The following FHIP2A variants were observed in gnomAD, a reference collection of about 807,000 sequenced individuals.
The protein encoded by FHIP2A is FHF complex subunit HOOK interacting protein 2A, also known as family with sequence similarity 160 member B1.
Under a neutral mutation model 93.5 loss-of-function variants are expected in FHIP2A, and 46 were observed. The ratio of observed to expected loss-of-function variants is 0.49; its 90% CI spans 0.39 to 0.63. The LOEUF is 0.63. Ranked by LOEUF, FHIP2A falls within the 20% of genes least tolerant of loss-of-function variation. The probability of loss-of-function intolerance (pLI) is 0.00; values close to 1 mark genes in which losing one functional copy is unlikely to be tolerated. For missense variants in FHIP2A, 769 were observed against 909.7 expected (o/e 0.85, Z 1.99); for synonymous variants, 332 against 326.5 (o/e 1.02, Z -0.18).
At chr10:114,850,906 GT>G (rs2083731277) in intron 13 of FHIP2A, among the ~76,000 whole-genome samples, 1 of 151,908 alleles carries the variant, frequency 6.6e-6, no homozygotes, top group Non-Finnish European at 1.5e-5. Flanking sequence ...TTGTTTTTTT[GT>G]TTGTTTGTTT....
rs933879443 is a variant in FHIP2A, at chr10:114,882,900, A to G, written c.2193-16590A>G. 1.1e-3 allele frequency among the ~76,000 whole-genome samples: 165 copies of G among 151,806 alleles called. 1 individual carries two copies. Among genetic ancestry groups the G allele is most frequent in the Non-Finnish European group, 2.2e-4 (15 of 67,980 alleles). On this transcript the variant is annotated intron_variant, in intron 16 of 16. Transcript: ENST00000369250. ...AAAAAAAAAAAAAAAGAAAGAAAAG[A>G]AAACACCTCATGAGCAGCAGTTCCT...
chr10:114,830,595 TC>T (rs541805021), intron 1 of FHIP2A, among the ~76,000 whole-genome samples: 4 of 152,188 alleles, frequency 2.6e-5, no homozygotes, highest in Admixed American at 2.6e-4. Flanking sequence ...TAAAAAAGTG[TC>T]AGGGGAGGAA....
intron 16 of FHIP2A, among the ~76,000 whole-genome samples, chr10:114,883,846 C>T (rs1373194319): frequency 3.9e-5 from 6 of 152,008 alleles, no homozygotes; most frequent in South Asian, 2.1e-4. Context: ...TCCCAAAGTG[C>T]GGAGATTACG....
chr10:114,857,435 G>C (rs1475013243), intron 14 of FHIP2A, among the ~76,000 whole-genome samples: 1 of 150,948 alleles, frequency 6.6e-6, no homozygotes, highest in Non-Finnish European at 1.5e-5. Flanking sequence ...TCAGCGTCCT[G>C]AGTAGCTGGG....
Position 114,845,392 on chromosome 10 carries a change from G to T in FHIP2A, c.1039G>T (p.Asp347Tyr), listed in dbSNP as rs926511216. The change falls in exon 8 of 17, where the codon GAT becomes TAT. Residue 347 changes from aspartate (D) to tyrosine (Y), a missense_variant. Asp to Tyr is a radical substitution (Grantham distance 160). Coordinates refer to ENST00000369248, the MANE Select transcript of FHIP2A (RefSeq NM_020940.4). ...WGLDSYSHKE[D>Y]ASAFPGKRAL... is the part of the protein sequence containing the mutation. ...CTTGGACTCATATAGTCATAAAGAA[G>T]ATGCTTCAGCATTTCCAGGAAAACG... The T allele has an allele frequency of 6.2e-7, 1 of 1,612,040 alleles. No individual in the cohort carries two copies. The highest frequency in any genetic ancestry group is 8.5e-7 in the Non-Finnish European group (1 of 1,178,402).
rs1388358986 is a variant in FHIP2A, at chr10:114,843,002, G to C, written c.592G>C (p.Asp198His). The C allele has an allele frequency of 6.2e-7, 1 of 1,613,328 alleles. No individual in the cohort carries two copies. The highest frequency in any genetic ancestry group is 8.5e-7 in the Non-Finnish European group (1 of 1,179,448). ...VISEDTLKGQ[D>H]SLSTDTGQSR... is the part of the protein sequence containing the mutation. ...TTCAGAAGATACATTAAAAGGTCAG[G>C]ATTCCTTGTCAACAGATACAGGACA... Residue 198 changes from aspartate to histidine, a missense_variant, in exon 6 of 17, where the codon GAT becomes CAT. By Grantham distance (81) the Asp-to-His change is moderately conservative. Transcript: ENST00000369248.
Position 114,843,177 on chromosome 10 carries a change from A to C in FHIP2A, c.767A>C (p.Asn256Thr). ...CCAGAGGCCTCGGTTGTTTGTCCAA[A>C]TCAGGATTACAATTTAGTGAATTCT... ...SLPEASVVCPNQDYNLVNSLL... is the reference protein window; with the variant it reads ...SLPEASVVCPTQDYNLVNSLL... The change falls in exon 6 of 17, where the codon AAT (asparagine) becomes ACT (threonine). Residue 256 changes from asparagine to threonine, a missense_variant. By Grantham distance (65) the Asn-to-Thr change is moderately conservative. Transcript: ENST00000369248. 6.2e-7 allele frequency: 1 copy of C among 1,614,062 alleles called. No homozygotes were observed. Among genetic ancestry groups the C allele is most frequent in the Non-Finnish European group, 8.5e-7 (1 of 1,179,978 alleles).
chr10:114,836,109 C>T lies in FHIP2A; in HGVS notation c.400-15C>T, dbSNP rs368403731. 9.1e-4 allele frequency: 1,402 copies of T among 1,546,116 alleles called. 1 individual carries two copies. Among genetic ancestry groups the T allele is most frequent in the Middle Eastern group, 5.0e-3 (29 of 5,816 alleles). ...TAGCCTAAGTTTAAAAAGTTAAAAA[C>T]AATTGTTTTCACAGAAATTAATTAG... On this transcript the variant is annotated splice_polypyrimidine_tract_variant and intron_variant, in intron 4 of 16. Coordinates refer to ENST00000369248, the MANE Select transcript of FHIP2A (RefSeq NM_020940.4).
chr10:114,870,655 A>G (rs776774460), intron 16 of FHIP2A, among the ~76,000 whole-genome samples: 2 of 152,184 alleles, frequency 1.3e-5, no homozygotes, highest in African/African-American at 4.8e-5. Context: ...ATCATCCGTG[A>G]TGTTCAACAG....
intron 3 of FHIP2A, among the ~76,000 whole-genome samples, chr10:114,834,398 G>A (rs542037475): frequency 2.0e-5 from 3 of 152,128 alleles, no homozygotes; most frequent in South Asian, 2.1e-4. Context: ...GTAATTGTAC[G>A]TCTAGTAAAT....
At chr10:114,856,681 T>C (rs909622224) in intron 14 of FHIP2A, among the ~76,000 whole-genome samples, 5 of 152,168 alleles carry the variant, frequency 3.3e-5, no homozygotes, top group Non-Finnish European at 4.4e-5. Flanking sequence ...TTGAGCACTT[T>C]TTCTCTAGTT....
chr10:114,869,901 T>C lies in FHIP2A; in HGVS notation c.2192+8567T>C, dbSNP rs571428713. ...ATAATATAATTTATATTCATTGAGC[T>C]GAGTATTTCAAAGAAATTAGTCAGA... On this transcript the variant is annotated intron_variant, in intron 16 of 16. Coordinates refer to the FHIP2A transcript ENST00000369250. 2.0e-5 allele frequency among the ~76,000 whole-genome samples: 3 copies of C among 152,344 alleles called. No individual in the cohort carries two copies. The East Asian group carries it at 5.8e-4, about 29-fold the overall frequency.
chr10:114,827,526 G>A (rs892983477), intron 1 of FHIP2A, among the ~76,000 whole-genome samples: 6 of 152,140 alleles, frequency 3.9e-5, no homozygotes, highest in East Asian at 1.9e-4. Flanking sequence ...GGCCGGGCCC[G>A]GTGGCTCACG....
At chr10:114,879,983 A>G (rs2083908956) in intron 16 of FHIP2A, among the ~76,000 whole-genome samples, 1 of 152,186 alleles carries the variant, frequency 6.6e-6, no homozygotes, top group Admixed American at 6.5e-5. Context: ...TTACATATGT[A>G]TTCCACACTT....
chr10:114,845,230 A>G (rs2083693557), intron 7 of FHIP2A, 137 bp from the exon 8 acceptor site: 1 of 509,554 alleles, frequency 2.0e-6, no homozygotes, highest in Non-Finnish European at 3.6e-6. Context: ...TCCTCTTCTC[A>G]CTGTCCTCCA....
At chr10:114,895,567 G>A (rs1213669307) in intron 16 of FHIP2A, among the ~76,000 whole-genome samples, 1 of 152,112 alleles carries the variant, frequency 6.6e-6, no homozygotes, top group Non-Finnish European at 1.5e-5. Context: ...TTTACGTAGT[G>A]CCTTCATGGA....
rs956988331 is a variant in FHIP2A at position 114,833,320 on chromosome 10, A to T, written c.212A>T (p.Glu71Val). The change falls in exon 3 of 17, where the codon GAA becomes GTA. Residue 71 changes from glutamate to valine, a missense_variant. Coordinates refer to ENST00000369248, the MANE Select transcript of FHIP2A (RefSeq NM_020940.4). ...DILVQEENER[E>V]SGETGPCMEY... is the part of the protein sequence containing the mutation. ...CTGGTTCAAGAAGAAAATGAACGGG[A>T]ATCTGGAGAGACAGGGCCATGTATG... The T allele has an allele frequency of 5.8e-5, 93 of 1,613,802 alleles. No homozygotes were observed. Among genetic ancestry groups the T allele is most frequent in the Non-Finnish European group, 7.8e-5 (92 of 1,179,840 alleles).
At chr10:114,836,272 C>T in intron 5 of FHIP2A, 26 bp downstream of exon 5, 1 of 1,538,774 alleles carries the variant, frequency 6.5e-7, no homozygotes, top group Non-Finnish European at 8.9e-7. Flanking sequence ...TATCAACTTT[C>T]AAACTGTAGT....
Position 114,862,347 on chromosome 10 carries a change from G to T in FHIP2A, c.*807G>T. On this transcript the variant is annotated 3_prime_UTR_variant, in exon 17 of 17. Coordinates refer to ENST00000369248, the MANE Select transcript of FHIP2A (RefSeq NM_020940.4). ...TAAGCTAAGTAACATGTACTGGGTT[G>T]AGAACCTTTTTCCCCCCTCTCCCTC... 1 of 987,384 alleles carries T rather than the reference G, an allele frequency of 1.0e-6. No homozygotes were observed. The highest frequency in any genetic ancestry group is 2.8e-4 in the Middle Eastern group (1 of 3,546). The allele number at this position is 987,384 out of a possible 1,614,324, so 61.2% of individuals were successfully genotyped here. A position where few individuals can be genotyped will look rare whatever the true frequency, so the allele number is the denominator to read the frequency against.
Sources: gnomAD v4.1 joint callset for allele counts (sites outside exome capture counted in the v4.1 genomes callset) on GRCh38, gnomAD v4.1.1 for gene constraint, MANE v1.5 for transcripts, NCBI Gene and HGNC (gene_info 2026-07-23, HGNC 2026-07-21) for gene names.